RSPO2: variants seen among roughly 807,000 people sequenced by gnomAD.
RSPO2 encodes the protein R-spondin 2.
In RSPO2, 14 loss-of-function variants were observed where a neutral mutation model predicts 30.9. The ratio of observed to expected loss-of-function variants is 0.45; its 90% CI spans 0.30 to 0.71. The LOEUF (loss-of-function observed/expected upper bound fraction) is 0.71. Among genes scored for constraint, RSPO2 ranks in the 30% least tolerant of loss-of-function variants. The pLI is 0.08. For missense variants in RSPO2, 264 were observed against 301.9 expected (o/e 0.87, Z 0.93); for synonymous variants, 107 against 96.4 (o/e 1.11, Z -0.64).
intron 3 of RSPO2, chr8:107,983,877 G>A: frequency 6.7e-7 from 1 of 1,490,388 alleles, no homozygotes. Context: ...GAAAGCCAAG[G>A]ACATTCCTGT....
chr8:108,081,966 T>C, intron 2 of RSPO2: 2 of 983,464 alleles, frequency 2.0e-6, no homozygotes, highest in Non-Finnish European at 2.4e-6. Flanking sequence ...GAGATCTATG[T>C]TGGCCTTTTT....
In RSPO2 at chr8:107,970,166, C is replaced by T. The variant is rs1015351451; in HGVS notation, c.284-9349G>A. Among the ~76,000 whole-genome samples the T allele has an allele frequency of 5.3e-5, 8 of 152,130 alleles. No individual in the cohort carries two copies. In the South Asian group the frequency reaches 8.3e-4, roughly 16 times the overall value. On this transcript the variant is annotated intron_variant, in intron 3 of 5. Coordinates refer to ENST00000276659, the MANE Select transcript of RSPO2 (RefSeq NM_178565.5). ...ATCTGTCTAAACAACTCATGTCTGT[C>T]ATAACACAAAATGCAGCCACAGACA... is the stretch of plus-strand genomic sequence containing the variant.
intron 5 of RSPO2, among the ~76,000 whole-genome samples, chr8:107,918,369 G>C (rs1245321707): frequency 6.6e-6 from 1 of 152,072 alleles, no homozygotes; most frequent in Non-Finnish European, 1.5e-5. Context: ...CTTTGTAATG[G>C]GACACCATTG....
Position 107,934,792 on chromosome 8 carries a change from C to T in RSPO2, c.616+23288G>A, listed in dbSNP as rs557682948. 5.3e-5 allele frequency among the ~76,000 whole-genome samples: 8 copies of T among 152,270 alleles called. 1 individual carries two copies. The South Asian group carries it at 1.7e-3, about 32-fold the overall frequency. On this transcript the variant is annotated intron_variant, in intron 5 of 5. Coordinates refer to ENST00000276659, the MANE Select transcript of RSPO2 (RefSeq NM_178565.5). ...CCCCAAATTAATACTTTTATAATTT[C>T]TTATGCCTGTCTTTACTGCAATCTC...
intron 2 of RSPO2, among the ~76,000 whole-genome samples, chr8:108,064,271 A>C (rs999708750): frequency 2.0e-5 from 3 of 152,224 alleles, no homozygotes; most frequent in Non-Finnish European, 2.9e-5. Context: ...AAATTTTTGC[A>C]ATCTACTCCT....
chr8:108,059,908 C>T (rs1338500309), intron 2 of RSPO2, among the ~76,000 whole-genome samples: 1 of 149,842 alleles, frequency 6.7e-6, no homozygotes, highest in Non-Finnish European at 1.5e-5. Flanking sequence ...TGCTAAATGA[C>T]AAGTTAATGG....
At position 107,995,855 on chromosome 8, in the gene RSPO2, C is replaced by T. The variant is rs369887202; in HGVS notation, c.95-6611G>A. On this transcript the variant is annotated intron_variant, in intron 2 of 5. Coordinates refer to ENST00000276659, the MANE Select transcript of RSPO2 (RefSeq NM_178565.5). ...ACCTACCTCTCCCTACTTCACTCTA[C>T]ATTCTATTGCTCAATTTTCCTGCTT... Among the ~76,000 whole-genome samples, 152 of 152,260 alleles carry T rather than the reference C, an allele frequency of 1.0e-3. 2 individuals are homozygous for T. The South Asian group carries it at 0.03, about 30-fold the overall frequency.
chr8:107,967,982 ATC>A (rs911138091), intron 3 of RSPO2, among the ~76,000 whole-genome samples: 12 of 152,136 alleles, frequency 7.9e-5, no homozygotes, highest in African/African-American at 2.9e-4. Flanking sequence ...CAGAGGCTTA[ATC>A]AGTGCAAAGA....
At position 107,958,100 on chromosome 8, in the gene RSPO2, G is replaced by A; in HGVS notation, c.596C>T (p.Thr199Ile). 1 of 1,613,322 alleles carries A rather than the reference G, an allele frequency of 6.2e-7. No homozygotes were observed. The highest frequency in any genetic ancestry group is 8.5e-7 in the Non-Finnish European group (1 of 1,179,406). Reference sequence around the variant, plus strand: ...CCTACCTCCTGGACAATGCCTCATTGTCATCTTGCATCTCCTGGATTCAGC... The same window carrying A: ...CCTACCTCCTGGACAATGCCTCATTATCATCTTGCATCTCCTGGATTCAGC... The part of the protein sequence containing the change: ...TIAESRRCKM[T>I]MRHCPGGKRT... Residue 199 changes from threonine (T) to isoleucine (I), a missense_variant, in exon 5 of 6, where the codon ACA becomes ATA. Thr to Ile is a moderately conservative substitution (Grantham distance 89). Transcript: ENST00000276659.
chr8:107,976,231 G>A (rs955542474), intron 3 of RSPO2, among the ~76,000 whole-genome samples: 2 of 152,204 alleles, frequency 1.3e-5, no homozygotes, highest in African/African-American at 2.4e-5. Context: ...TCTTTTTTAT[G>A]ATGGGCAGTT....
intron 5 of RSPO2, among the ~76,000 whole-genome samples, chr8:107,922,199 A>T (rs1812195728): frequency 6.7e-6 from 1 of 149,994 alleles, no homozygotes; most frequent in Non-Finnish European, 1.5e-5. Context: ...TACCTAGAAA[A>T]CCCCACAGCC....
At chr8:107,921,327 GAA>G (rs1563521295) in intron 5 of RSPO2, among the ~76,000 whole-genome samples, 5 of 150,358 alleles carry the variant, frequency 3.3e-5, no homozygotes, top group Non-Finnish European at 7.4e-5. Flanking sequence ...TAGAAAAAAA[GAA>G]GAGAAGAAAA....
chr8:108,036,109 G>A (rs1037214354), intron 2 of RSPO2, among the ~76,000 whole-genome samples: 4 of 152,120 alleles, frequency 2.6e-5, no homozygotes, highest in Non-Finnish European at 5.9e-5. Context: ...CTTCATGCCA[G>A]GTAAACTAAT....
rs769669271 is a variant in RSPO2 at position 107,901,144 on chromosome 8, T to A, written c.663A>T (p.Lys221Asn). Reference protein sequence around the residue: ...KAKEKRNKKKKRKLIERAQEQ... With the variant: ...KAKEKRNKKKNRKLIERAQEQ... ...CCTGGGCCCTTTCTATCAGCTTCCT[T>A]TTCTTTTTCTTGTTCCTCTTCTCCT... Residue 221 changes from lysine to asparagine, a missense_variant, in exon 6 of 6, where the codon AAA becomes AAT. Coordinates refer to ENST00000276659, the MANE Select transcript of RSPO2 (RefSeq NM_178565.5). 6.2e-7 allele frequency: 1 copy of A among 1,614,158 alleles called. No individual in the cohort carries two copies. Among genetic ancestry groups the A allele is most frequent in the Admixed American group, 1.7e-5 (1 of 60,018 alleles).
In RSPO2 at chr8:107,958,084, T is replaced by C. The variant is rs771405801; in HGVS notation, c.612A>G (p.Pro204=). 3.1e-6 allele frequency: 5 copies of C among 1,610,064 alleles called. No homozygotes were observed. In the East Asian group the frequency reaches 8.9e-5, roughly 29 times the overall value. Residue 204 remains proline, a synonymous_variant, in exon 5 of 6, where the codon CCA becomes CCG. Coordinates refer to ENST00000276659, the MANE Select transcript of RSPO2 (RefSeq NM_178565.5). ...RRCKMTMRHC[P]GGKRTPKAKE... ...AGTGATTATATCCACACCTACCTCC[T>C]GGACAATGCCTCATTGTCATCTTGC...
At chr8:108,075,283 C>T (rs1026995884) in intron 2 of RSPO2, among the ~76,000 whole-genome samples, 2 of 152,116 alleles carry the variant, frequency 1.3e-5, no homozygotes, top group Non-Finnish European at 2.9e-5. Flanking sequence ...GAGTTCAAGA[C>T]CAGCCTGGCC....
At chr8:108,014,630 T>C (rs1205801441) in intron 2 of RSPO2, among the ~76,000 whole-genome samples, 1 of 149,800 alleles carries the variant, frequency 6.7e-6, no homozygotes, top group Non-Finnish European at 1.5e-5. Context: ...CATTCATAAG[T>C]GGGAGTTGAA....
chr8:108,031,291 C>A (rs570943256), intron 2 of RSPO2, among the ~76,000 whole-genome samples: 1 of 152,150 alleles, frequency 6.6e-6, no homozygotes. Context: ...CACCATTACA[C>A]GGTGCAGAAA....
intron 2 of RSPO2, among the ~76,000 whole-genome samples, chr8:108,021,113 T>C (rs1232006184): frequency 6.6e-6 from 1 of 152,192 alleles, no homozygotes; most frequent in Non-Finnish European, 1.5e-5. Context: ...AAGATATTTA[T>C]GCAGAATATC....
Sources: gnomAD v4.1 joint callset for allele counts (sites outside exome capture counted in the v4.1 genomes callset) on GRCh38, gnomAD v4.1.1 for gene constraint, MANE v1.5 for transcripts, NCBI Gene and HGNC (gene_info 2026-07-23, HGNC 2026-07-21) for gene names.